ADCY2: variants seen among roughly 807,000 people sequenced by gnomAD.
The protein encoded by ADCY2 is adenylate cyclase 2.
In ADCY2, 31 loss-of-function variants were observed where a neutral mutation model predicts 125.2. The observed-to-expected ratio is 0.25, with a 90% CI of 0.19 to 0.33. The LOEUF is 0.33. ADCY2 is among the 10% of genes least tolerant of loss of function. ADCY2 has a pLI of 1.00. For missense variants in ADCY2, 904 were observed against 1,418.2 expected, an observed-to-expected ratio of 0.64 and a Z score of 5.82; for synonymous variants, 512 against 548.4, an observed-to-expected ratio of 0.93 and a Z score of 0.93.
At chr5:7,630,374 T>C (rs1296885374) in intron 4 of ADCY2, among the ~76,000 whole-genome samples, 1 of 152,122 alleles carries the variant, frequency 6.6e-6, no homozygotes, top group Non-Finnish European at 1.5e-5. Context: ...GTTTTTGAAG[T>C]TTTTCTAGAT....
intron 3 of ADCY2, among the ~76,000 whole-genome samples, chr5:7,625,169 A>G (rs1340386710): frequency 6.6e-6 from 1 of 152,246 alleles, no homozygotes; most frequent in Non-Finnish European, 1.5e-5. Context: ...GCATAATGCA[A>G]TGCACAGAAT....
At position 7,561,451 on chromosome 5, in the gene ADCY2, A is replaced by T. The variant is rs553344114; in HGVS notation, c.570+40552A>T. 4.6e-5 allele frequency among the ~76,000 whole-genome samples: 7 copies of T among 152,126 alleles called. No individual in the cohort carries two copies. In the South Asian group the frequency reaches 1.4e-3, roughly 31 times the overall value. ...ATGGTAAGCGTTTGGGTATCTAATC[A>T]TAGAAAAGGTACAATAAAATACAAT... On this transcript the variant is annotated intron_variant, in intron 3 of 24. Coordinates refer to ENST00000338316, the MANE Select transcript of ADCY2 (RefSeq NM_020546.3).
At chr5:7,406,490 G>A (rs971370771) in intron 1 of ADCY2, among the ~76,000 whole-genome samples, 33 of 152,286 alleles carry the variant, frequency 2.2e-4, no homozygotes, top group African/African-American at 7.5e-4. Flanking sequence ...GTCCACCTGG[G>A]CAGGCAGGGT....
chr5:7,792,819 T>C (rs558770331), intron 20 of ADCY2, among the ~76,000 whole-genome samples: 8 of 152,336 alleles, frequency 5.3e-5, no homozygotes, highest in African/African-American at 1.9e-4. Context: ...CTCGCCGTCC[T>C]CATCCATAAA....
At chr5:7,545,673 T>C (rs554340831) in intron 3 of ADCY2, among the ~76,000 whole-genome samples, 1 of 152,326 alleles carries the variant, frequency 6.6e-6, no homozygotes, top group South Asian at 2.1e-4. Context: ...GGCCTGTCCT[T>C]CAGAGGGGCA....
intron 7 of ADCY2, among the ~76,000 whole-genome samples, chr5:7,700,500 C>CT (rs34637526): frequency 6.9e-6 from 1 of 145,784 alleles, no homozygotes; most frequent in Non-Finnish European, 1.5e-5. Context: ...TTATCCTCAA[C>CT]TTTTTTTTTT....
intron 4 of ADCY2, among the ~76,000 whole-genome samples, chr5:7,654,800 C>A (rs2126685782): frequency 1.3e-5 from 2 of 152,232 alleles, no homozygotes; most frequent in Admixed American, 1.3e-4. Flanking sequence ...TGTACATGCC[C>A]AGGACTGCTG....
At chr5:7,560,664 T>G (rs1037741639) in intron 3 of ADCY2, among the ~76,000 whole-genome samples, 9 of 152,096 alleles carry the variant, frequency 5.9e-5, no homozygotes, top group Non-Finnish European at 1.2e-4. Flanking sequence ...AGAACAGTAA[T>G]GTGAAAAAAG....
chr5:7,471,420 G>A (rs1742332716), intron 2 of ADCY2, among the ~76,000 whole-genome samples: 1 of 151,346 alleles, frequency 6.6e-6, no homozygotes, highest in Non-Finnish European at 1.5e-5. Context: ...AAAATTTTTG[G>A]TGGATACCCT....
intron 2 of ADCY2, among the ~76,000 whole-genome samples, chr5:7,483,184 A>AAAAATGAC (rs1742801109): frequency 6.6e-6 from 1 of 152,190 alleles, no homozygotes; most frequent in Non-Finnish European, 1.5e-5. Context: ...ATTTCCAACA[A>AAAAATGAC]AAAATGACAA....
At chr5:7,658,026 G>T (rs1453547133) in intron 4 of ADCY2, 7 of 152,196 alleles carry the variant, frequency 4.6e-5, no homozygotes, top group Non-Finnish European at 8.8e-5. Flanking sequence ...CCTTCCTCAG[G>T]TCTCCAGTGG....
chr5:7,736,204 A>G (rs116494115), intron 14 of ADCY2, among the ~76,000 whole-genome samples: 1,940 of 152,284 alleles, frequency 0.013, 17 homozygotes, highest in Middle Eastern at 0.075. Context: ...TGGGTGACAG[A>G]GCAAGACTCT....
chr5:7,592,453 A>G (rs2126626948), intron 3 of ADCY2, among the ~76,000 whole-genome samples: 1 of 152,296 alleles, frequency 6.6e-6, no homozygotes, highest in South Asian at 2.1e-4. Context: ...AGAAAATAAA[A>G]TCTGGAGACA....
chr5:7,677,391 G>GA (rs1309299842), intron 4 of ADCY2, among the ~76,000 whole-genome samples: 1 of 152,212 alleles, frequency 6.6e-6, no homozygotes, highest in Non-Finnish European at 1.5e-5. Flanking sequence ...GTGGCAGATG[G>GA]AAAACATGAA....
chr5:7,534,762 G>A (rs543084545), intron 3 of ADCY2, among the ~76,000 whole-genome samples: 29 of 152,340 alleles, frequency 1.9e-4, no homozygotes, highest in South Asian at 1.2e-3. Context: ...GCAGAGCTAA[G>A]GCAGTGTGGC....
chr5:7,707,038 C>G, intron 8 of ADCY2, 136 bp downstream of exon 8: 1 of 1,075,574 alleles, frequency 9.3e-7, no homozygotes, highest in Non-Finnish European at 1.3e-6. Context: ...TCACGCCCAA[C>G]GGCCTCTTAT....
chr5:7,715,987 CAG>C (rs907358622), intron 11 of ADCY2, among the ~76,000 whole-genome samples: 2 of 152,190 alleles, frequency 1.3e-5, no homozygotes, highest in African/African-American at 2.4e-5. Flanking sequence ...TAGCCTTGTT[CAG>C]GCTAGCAGGC....
intron 3 of ADCY2, among the ~76,000 whole-genome samples, chr5:7,611,477 G>T (rs1483020283): frequency 3.9e-5 from 6 of 151,986 alleles, no homozygotes; most frequent in African/African-American, 1.4e-4. Context: ...TGATTTTTTA[G>T]TGGCAGGTTT....
At chr5:7,407,885 T>G (rs1579411929) in intron 1 of ADCY2, among the ~76,000 whole-genome samples, 1 of 150,882 alleles carries the variant, frequency 6.6e-6, no homozygotes, top group East Asian at 1.9e-4. Context: ...TTTTTTTTTT[T>G]TGAGACAGAG....
Sources: allele counts gnomAD v4.1 joint callset (sites outside exome capture counted in the v4.1 genomes callset), GRCh38; gene constraint gnomAD v4.1.1; transcripts MANE v1.5; gene names NCBI Gene and HGNC (gene_info 2026-07-23, HGNC 2026-07-21).